The following IZUMO1 variants were observed in gnomAD, a reference collection of about 807,000 sequenced individuals.
The protein encoded by IZUMO1 is izumo sperm-oocyte fusion 1.
Under a neutral mutation model 40.7 loss-of-function variants are expected in IZUMO1, and 44 were observed. That is an observed-to-expected ratio of 1.08 (90% CI 0.85 to 1.39). The LOEUF (loss-of-function observed/expected upper bound fraction) is 1.39, where lower values mean the gene tolerates loss of function less well. IZUMO1 is among the 40% of genes most tolerant of loss of function. IZUMO1 has a pLI of 0.00. For synonymous variants in IZUMO1, 149 were observed against 170.9 expected (o/e 0.87, Z 1.00); for missense variants, 368 against 436.9 (o/e 0.84, Z 1.41).
In IZUMO1 at chr19:48,741,479, C is replaced by G; in HGVS notation, c.755-1G>C. The G allele has an allele frequency of 3.7e-6, 6 of 1,602,912 alleles. No individual in the cohort carries two copies. The highest frequency in any genetic ancestry group is 5.1e-6 in the Non-Finnish European group (6 of 1,170,912). On this transcript the variant is annotated splice_acceptor_variant, in intron 8 of 9. Coordinates refer to ENST00000332955, the MANE Select transcript of IZUMO1 (RefSeq NM_182575.3). LOFTEE classifies it high-confidence loss of function. The surrounding 1 kb of genome is among the most constrained non-coding windows in gnomAD (Gnocchi z 4.4). Reference sequence around the variant, plus strand: ...TCCTCCTTGATCATTTTGGGCAACACTGTTAGAGAAAGCGTAAAGAGCAGT... The same window carrying G: ...TCCTCCTTGATCATTTTGGGCAACAGTGTTAGAGAAAGCGTAAAGAGCAGT...
rs1330155998 is a variant in IZUMO1 at position 48,741,815 on chromosome 19, G to A, written c.728C>T (p.Ala243Val). 22 of 1,598,600 alleles carry A rather than the reference G, an allele frequency of 1.4e-5. No individual in the cohort carries two copies. Among genetic ancestry groups the A allele is most frequent in the Admixed American group, 1.2e-4 (7 of 58,724 alleles). Residue 243 changes from alanine (A) to valine (V), a missense_variant, in exon 8 of 10, where the codon GCC becomes GTC. Ala to Val is a moderately conservative substitution (Grantham distance 64). Coordinates refer to ENST00000332955, the MANE Select transcript of IZUMO1 (RefSeq NM_182575.3). The surrounding 1 kb of genome is among the most constrained non-coding windows in gnomAD (Gnocchi z 4.4). ...CELGSVNSSP[A>V]TIINFHVTVL... ...TGTGACGTGAAAATTGATGATCGTG[G>A]CTGGGCTGGAATTCACAGAGCCCAG... is the stretch of plus-strand genomic sequence containing the variant.
At chr19:48,743,140 C>T (rs2033770725) in intron 6 of IZUMO1, 7 of 379,430 alleles carry the variant, frequency 1.8e-5, no homozygotes, top group Non-Finnish European at 3.5e-5. Context: ...AATCCTCCTG[C>T]CTCAGCCTTC....
rs1012487108 is a variant in IZUMO1, at chr19:48,743,774, C to T, written c.419-249G>A. ...TTGGGAGGCCGAGGCGGGCGGATCA[C>T]AAGGTCAGGAGTTCAAGACTAGCCT... On this transcript the variant is annotated intron_variant, in intron 5 of 9. Transcript: ENST00000332955. 1.7e-5 allele frequency: 9 copies of T among 538,828 alleles called. No homozygotes were observed. In the African/African-American group the frequency reaches 1.7e-4, roughly 10 times the overall value. The allele number at this position is 538,828 out of a possible 1,614,324, so 33.4% of individuals were successfully genotyped here.
In IZUMO1 at chr19:48,741,633, C is replaced by A; in HGVS notation, c.755-155G>T. The A allele has an allele frequency of 8.0e-7, 1 of 1,244,490 alleles. No individual in the cohort carries two copies. 77.1% of individuals were successfully genotyped at this position (1,244,490 alleles called of 1,614,324 possible). ...CCCAAGGGAACCCCTGTCCTCGGGGCCAGAGGCCACGCCCCCGGCAGGAAG... is the reference window on the plus strand; with the variant it reads ...CCCAAGGGAACCCCTGTCCTCGGGGACAGAGGCCACGCCCCCGGCAGGAAG... On this transcript the variant is annotated intron_variant, in intron 8 of 9. Transcript: ENST00000332955. This position sits in a 1 kb window ranked among gnomAD's most constrained non-coding sequence, Gnocchi z 4.4.
rs2033714496 is a variant in IZUMO1, at chr19:48,741,994, G to A, written c.601-52C>T. Reference sequence around the variant, plus strand: ...AGGCCTGAGGAATTCAGGGGTTGGGGGAGTACAGGGGTGAGAAGATCACAG... The same window carrying A: ...AGGCCTGAGGAATTCAGGGGTTGGGAGAGTACAGGGGTGAGAAGATCACAG... On this transcript the variant is annotated intron_variant, in intron 7 of 9. Transcript: ENST00000332955. The surrounding 1 kb of genome is among the most constrained non-coding windows in gnomAD (Gnocchi z 4.4). The A allele has an allele frequency of 6.5e-7, 1 of 1,546,332 alleles. No homozygotes were observed. Among genetic ancestry groups the A allele is most frequent in the Admixed American group, 2.0e-5 (1 of 51,148 alleles).
chr19:48,745,772 C>A lies in IZUMO1; in HGVS notation c.88G>T (p.Val30Leu). ...EGCVICDPSVVLALKSLEKDY... is the reference protein window; with the variant it reads ...EGCVICDPSVLLALKSLEKDY... Reference sequence around the variant, plus strand: ...TTCTCCAGGGACTTTAGCGCCAGCACGACAGACGGGTCACATATAACACAC... The same window carrying A: ...TTCTCCAGGGACTTTAGCGCCAGCAAGACAGACGGGTCACATATAACACAC... Residue 30 changes from valine to leucine, a missense_variant, in exon 2 of 10, where the codon GTG (valine) becomes TTG (leucine). Coordinates refer to ENST00000332955, the MANE Select transcript of IZUMO1 (RefSeq NM_182575.3). The A allele has an allele frequency of 6.2e-7, 1 of 1,614,216 alleles. No individual in the cohort carries two copies. Among genetic ancestry groups the A allele is most frequent in the Non-Finnish European group, 8.5e-7 (1 of 1,180,044 alleles).
intron 5 of IZUMO1, 174 bp downstream of exon 5, chr19:48,744,001 G>A: frequency 1.5e-6 from 1 of 672,700 alleles, no homozygotes; most frequent in Non-Finnish European, 2.7e-6. Context: ...AAAAAAGAGT[G>A]TAAGTAGAAT....
At chr19:48,744,930 C>T (rs1486313224) in intron 3 of IZUMO1, among the ~76,000 whole-genome samples, 1 of 152,284 alleles carries the variant, frequency 6.6e-6, no homozygotes, top group East Asian at 1.9e-4. Flanking sequence ...CTACTGAGCT[C>T]AAGTAATCTG....
rs1371251637 is a variant in IZUMO1, at chr19:48,741,945, A to T, written c.601-3T>A. On this transcript the variant is annotated splice_region_variant and splice_polypyrimidine_tract_variant and intron_variant, in intron 7 of 9. Transcript: ENST00000332955. The surrounding 1 kb of genome is among the most constrained non-coding windows in gnomAD (Gnocchi z 4.4). ...GTCTCCGTATTGTTCCCCCAAACCT[A>T]GACCCAAGCTCAAGGGGTCACTGAG... 3 of 1,592,276 alleles carry T rather than the reference A, an allele frequency of 1.9e-6. No individual in the cohort carries two copies. The South Asian group carries it at 3.4e-5, about 18-fold the overall frequency.
Position 48,746,582 on chromosome 19 carries a change from G to T in IZUMO1, c.-221C>A. Reference sequence around the variant, plus strand: ...CCTTCCGCTTAGAAAAAGGAGCCCCGATGCATCCTGAACAGTGATGCACCC... The same window carrying T: ...CCTTCCGCTTAGAAAAAGGAGCCCCTATGCATCCTGAACAGTGATGCACCC... On this transcript the variant is annotated 5_prime_UTR_variant, in exon 1 of 10. Transcript: ENST00000332955. 1 of 985,650 alleles carries T rather than the reference G, an allele frequency of 1.0e-6. No homozygotes were observed. The highest frequency in any genetic ancestry group is 1.2e-6 in the Non-Finnish European group (1 of 830,142). The allele number at this position is 985,650 out of a possible 1,614,324, so 61.1% of individuals were successfully genotyped here. A position where few individuals can be genotyped will look rare whatever the true frequency, so the allele number is the denominator to read the frequency against.
rs778654232 is a variant in IZUMO1, at chr19:48,743,471, G to T, written c.473C>A (p.Ala158Asp). The change falls in exon 6 of 10, where the codon GCT becomes GAT. Residue 158 changes from alanine (A) to aspartate (D), a missense_variant. By Grantham distance (126) the Ala-to-Asp change is moderately radical (BLOSUM62 -2). Coordinates refer to ENST00000332955, the MANE Select transcript of IZUMO1 (RefSeq NM_182575.3). ...CCCGCAATCGTAGGACTTTCGACAA[G>T]CGTGAACCTCCTTTTTGCAGTTCTT... ...WCKNCKKEVH[A>D]CRKSYDCGER... 3 of 1,614,148 alleles carry T rather than the reference G, an allele frequency of 1.9e-6. No homozygotes were observed. The highest frequency in any genetic ancestry group is 3.3e-5 in the Admixed American group (2 of 60,018).
intron 3 of IZUMO1, 48 bp downstream of exon 3, chr19:48,745,166 C>T (rs777424217): frequency 8.7e-6 from 13 of 1,501,706 alleles, no homozygotes; most frequent in Non-Finnish European, 1.2e-5. Flanking sequence ...ATCACTAACG[C>T]TGGCTTCTCT....
rs2033887656 is a variant in IZUMO1 at position 48,746,460 on chromosome 19, C to T, written c.-99G>A. The T allele has an allele frequency of 1.0e-6, 1 of 989,766 alleles. No individual in the cohort carries two copies. Among genetic ancestry groups the T allele is most frequent in the Non-Finnish European group, 1.2e-6 (1 of 832,290 alleles). The allele number at this position is 989,766 out of a possible 1,614,324, so 61.3% of individuals were successfully genotyped here. On this transcript the variant is annotated 5_prime_UTR_variant, in exon 1 of 10. It adds an upstream start codon to the 5' untranslated region. Coordinates refer to ENST00000332955, the MANE Select transcript of IZUMO1 (RefSeq NM_182575.3). The stretch of plus-strand genomic sequence containing the variant: ...CAGATTCCTAGAACTGAGGACCCCA[C>T]TAACACTTAAGCGAGACTCCATGCG...
intron 3 of IZUMO1, 32 bp downstream of exon 3, chr19:48,745,182 A>G: frequency 6.3e-7 from 1 of 1,577,362 alleles, no homozygotes; most frequent in Non-Finnish European, 8.7e-7. Context: ...TCTCTGAGAG[A>G]TTCGGGACTC....
chr19:48,744,607 C>A, intron 3 of IZUMO1, 68 bp from the exon 4 acceptor site: 1 of 1,155,370 alleles, frequency 8.7e-7, no homozygotes, highest in South Asian at 1.2e-5. Flanking sequence ...CCTGCAGAGT[C>A]TGGCAGTCTA....
At chr19:48,743,997 G>A (rs1382530708) in intron 5 of IZUMO1, 178 bp downstream of exon 5, 3 of 661,248 alleles carry the variant, frequency 4.5e-6, no homozygotes, top group Non-Finnish European at 8.2e-6. Context: ...TCAAAAAAAA[G>A]AGTGTAAGTA....
Position 48,741,429 on chromosome 19 carries a change from G to A in IZUMO1, c.804C>T (p.Thr268=). Residue 268 remains threonine, a synonymous_variant, in exon 9 of 10, where the codon ACC becomes ACT. Coordinates refer to ENST00000332955, the MANE Select transcript of IZUMO1 (RefSeq NM_182575.3). The surrounding 1 kb of genome is among the most constrained non-coding windows in gnomAD (Gnocchi z 4.4). Reference sequence around the variant, plus strand: ...ACGACTCCGTGGTCGCCTCCCCCGGGGTTACGATATTTGGAGAAGGTTTTT... The same window carrying A: ...ACGACTCCGTGGTCGCCTCCCCCGGAGTTACGATATTTGGAGAAGGTTTTT... ...KEEKPSPNIV[T]PGEATTESSI... 2.5e-6 allele frequency: 4 copies of A among 1,613,194 alleles called. No homozygotes were observed. Among genetic ancestry groups the A allele is most frequent in the Non-Finnish European group, 1.7e-6 (2 of 1,179,394 alleles).
At position 48,744,537 on chromosome 19, in the gene IZUMO1, C is replaced by T. The variant is rs755224650; in HGVS notation, c.313G>A (p.Asp105Asn). 9.9e-6 allele frequency: 16 copies of T among 1,611,104 alleles called. No individual in the cohort carries two copies. The highest frequency in any genetic ancestry group is 1.7e-5 in the Admixed American group (1 of 59,982). ...KRITDSDVKG[D>N]LFVKELFWML... ...CAAAATAGCTCCTTCACGAAGAGAT[C>T]GCCTGGGAAGACACAGGAACCCCCA... The change falls in exon 4 of 10, where the codon GAT (aspartate) becomes AAT (asparagine). Residue 105 changes from aspartate (D) to asparagine (N), a missense_variant and splice_region_variant. By Grantham distance (23) the Asp-to-Asn change is conservative. Transcript: ENST00000332955.
In IZUMO1 at chr19:48,745,849, T is replaced by C. The variant is rs2033869946; in HGVS notation, c.11A>G (p.His4Arg). 6.2e-7 allele frequency: 1 copy of C among 1,613,946 alleles called. No homozygotes were observed. Among genetic ancestry groups the C allele is most frequent in the Admixed American group, 1.7e-5 (1 of 59,988 alleles). MGP[H>R]FTLLCAALAG... ...CAGCGCCGCACACAGGAGGGTAAAA[T>C]GCGGCCCCATTGCAGCCGGCGCGCA... The change falls in exon 2 of 10, where the codon CAT becomes CGT. Residue 4 changes from histidine to arginine, a missense_variant. Transcript: ENST00000332955.
Sources: gnomAD v4.1 joint callset for allele counts (sites outside exome capture counted in the v4.1 genomes callset) on GRCh38, gnomAD v4.1.1 for gene constraint, Gnocchi (gnomAD v3.1) non-coding constraint, MANE v1.5 for transcripts, NCBI Gene and HGNC (gene_info 2026-07-23, HGNC 2026-07-21) for gene names.